The following KCNH1 variants were observed in gnomAD, a reference collection of about 807,000 sequenced individuals.
The protein encoded by KCNH1 is voltage-gated delayed rectifier potassium channel KCNH1.
Under a neutral mutation model 69.2 loss-of-function variants are expected in KCNH1, and 27 were observed. The observed-to-expected ratio is 0.39, with a 90% CI of 0.29 to 0.54. The LOEUF (loss-of-function observed/expected upper bound fraction) is 0.54, where lower values mean the gene tolerates loss of function less well. KCNH1 is among the 20% of genes least tolerant of loss of function. The pLI, the probability that KCNH1 is intolerant of heterozygous loss-of-function variation, is 0.68. For missense variants in KCNH1, 798 were observed against 1,261.6 expected, an observed-to-expected ratio of 0.63 and a Z score of 5.57; for synonymous variants, 456 against 487.7, an observed-to-expected ratio of 0.93 and a Z score of 0.86.
intron 5 of KCNH1, among the ~76,000 whole-genome samples, chr1:211,028,500 G>A (rs1295828631): frequency 6.6e-6 from 1 of 151,920 alleles, no homozygotes; most frequent in Non-Finnish European, 1.5e-5. Flanking sequence ...GAGGAAATCA[G>A]TGGTCTTTGA....
chr1:211,032,355 C>A (rs1689804028), intron 5 of KCNH1, among the ~76,000 whole-genome samples: 2 of 152,168 alleles, frequency 1.3e-5, no homozygotes, highest in African/African-American at 4.8e-5. Context: ...TTTATAGATT[C>A]AATGCCATCC....
At chr1:210,693,693 G>A (rs750277038) in intron 10 of KCNH1, among the ~76,000 whole-genome samples, 11 of 152,142 alleles carry the variant, frequency 7.2e-5, no homozygotes, top group Non-Finnish European at 1.3e-4. Flanking sequence ...CATGAAGACT[G>A]GCATCATCTT....
At chr1:211,091,647 A>T (rs1691054555) in intron 3 of KCNH1, among the ~76,000 whole-genome samples, 1 of 152,178 alleles carries the variant, frequency 6.6e-6, no homozygotes, top group Non-Finnish European at 1.5e-5. Context: ...TGCCATAGGA[A>T]GCTCAGTGAA....
chr1:211,083,464 G>A (rs1690893195), intron 4 of KCNH1, among the ~76,000 whole-genome samples: 1 of 152,230 alleles, frequency 6.6e-6, no homozygotes, highest in Non-Finnish European at 1.5e-5. Context: ...GTAGATTTTA[G>A]TCTGCTTTAG....
At chr1:210,975,591 C>A (rs575556558) in intron 6 of KCNH1, among the ~76,000 whole-genome samples, 171 of 152,140 alleles carry the variant, frequency 1.1e-3, no homozygotes, top group Non-Finnish European at 1.8e-3. Flanking sequence ...CCTTATACAA[C>A]AATTAATTGA....
chr1:210,984,470 G>T (rs1688786971), intron 6 of KCNH1, among the ~76,000 whole-genome samples: 2 of 152,208 alleles, frequency 1.3e-5, no homozygotes, highest in African/African-American at 4.8e-5. Flanking sequence ...TTTATTGAGA[G>T]ATTTTAGCAT....
At chr1:210,861,814 TA>T in intron 7 of KCNH1, 1 of 762,562 alleles carries the variant, frequency 1.3e-6, no homozygotes, top group Middle Eastern at 2.7e-4. Context: ...TTTATACTCA[TA>T]AGTTTTCACA....
chr1:211,098,143 C>T (rs552882453), intron 3 of KCNH1, among the ~76,000 whole-genome samples: 48 of 151,798 alleles, frequency 3.2e-4, no homozygotes, highest in Middle Eastern at 3.4e-3. Flanking sequence ...CATGGTGAAA[C>T]CCCGACTCTA....
intron 6 of KCNH1, among the ~76,000 whole-genome samples, chr1:211,013,562 AC>A (rs1438961032): frequency 3.3e-5 from 5 of 152,220 alleles, no homozygotes; most frequent in Admixed American, 3.3e-4. Context: ...CTCTGAAGAG[AC>A]AGCATGACCC....
At chr1:210,733,352 T>C (rs1682792353) in intron 10 of KCNH1, among the ~76,000 whole-genome samples, 1 of 152,176 alleles carries the variant, frequency 6.6e-6, no homozygotes, top group South Asian at 2.1e-4. Context: ...ATCCAGACTA[T>C]GGTAGCTACA....
intron 7 of KCNH1, among the ~76,000 whole-genome samples, chr1:210,899,003 G>A (rs1686933446): frequency 6.6e-6 from 1 of 152,162 alleles, no homozygotes; most frequent in South Asian, 2.1e-4. Context: ...TTTTTAATCA[G>A]TCTCATTAGT....
At chr1:210,924,569 T>G (rs551176440) in intron 6 of KCNH1, among the ~76,000 whole-genome samples, 2 of 152,312 alleles carry the variant, frequency 1.3e-5, no homozygotes, top group South Asian at 4.1e-4. Flanking sequence ...GTTCAGTAGA[T>G]GAGATAAATA....
chr1:210,796,071 C>T (rs929004378), intron 9 of KCNH1, among the ~76,000 whole-genome samples: 2 of 149,766 alleles, frequency 1.3e-5, no homozygotes, highest in Non-Finnish European at 3.0e-5. Context: ...AGGAGAATGG[C>T]GTGAACCTGG....
At chr1:210,960,725 C>T (rs984898597) in intron 6 of KCNH1, among the ~76,000 whole-genome samples, 2 of 152,084 alleles carry the variant, frequency 1.3e-5, no homozygotes, top group African/African-American at 4.8e-5. Flanking sequence ...GATCTGTGTA[C>T]AAGTCTTTAT....
chr1:210,806,662 T>A (rs971709812), intron 7 of KCNH1, among the ~76,000 whole-genome samples: 1 of 151,172 alleles, frequency 6.6e-6, no homozygotes, highest in Non-Finnish European at 1.5e-5. Flanking sequence ...TAATAGTTCA[T>A]GTCTCTTTTT....
At chr1:211,105,607 G>A (rs1691335802) in intron 2 of KCNH1, among the ~76,000 whole-genome samples, 1 of 152,194 alleles carries the variant, frequency 6.6e-6, no homozygotes, top group Non-Finnish European at 1.5e-5. Flanking sequence ...GCTAAAAACT[G>A]TGCATAAAAG....
chr1:211,009,920 T>C lies in KCNH1; in HGVS notation c.1032+8863A>G, dbSNP rs146044288. Among the ~76,000 whole-genome samples the C allele has an allele frequency of 1.2e-3, 186 of 152,290 alleles. 1 individual carries two copies. The Middle Eastern group carries it at 0.014, about 11-fold the overall frequency. ...CACTGCGCCTAGCCAAGTTCTCTTT[T>C]TATCACTCCTCTTTTGTCAATGAAT... On this transcript the variant is annotated intron_variant, in intron 6 of 10. Transcript: ENST00000271751.
intron 7 of KCNH1, among the ~76,000 whole-genome samples, chr1:210,813,290 G>C (rs1684745199): frequency 6.6e-6 from 1 of 152,198 alleles, no homozygotes; most frequent in Non-Finnish European, 1.5e-5. Context: ...GTCCAGAAGA[G>C]AGATGTTTTA....
chr1:211,038,439 G>C (rs1402068666), intron 5 of KCNH1, among the ~76,000 whole-genome samples: 1 of 152,152 alleles, frequency 6.6e-6, no homozygotes, highest in African/African-American at 2.4e-5. Context: ...GTGGGGTGTT[G>C]CTGAAAAGAT....
Sources: allele counts gnomAD v4.1 joint callset (sites outside exome capture counted in the v4.1 genomes callset), GRCh38; gene constraint gnomAD v4.1.1; transcripts MANE v1.5; gene names NCBI Gene and HGNC (gene_info 2026-07-23, HGNC 2026-07-21).